PRDM11: variants seen among roughly 807,000 people sequenced by gnomAD.
PRDM11 encodes the protein PR/SET domain 11, also known as PR domain-containing protein 11.
Under a neutral mutation model 97.8 loss-of-function variants are expected in PRDM11, and 20 were observed. The observed-to-expected ratio is 0.20, with a 90% CI of 0.14 to 0.30. PRDM11 has a LOEUF of 0.30. Among genes scored for constraint, PRDM11 ranks in the 10% least tolerant of loss-of-function variants. PRDM11 has a pLI of 1.00. For missense variants in PRDM11, 1,139 were observed against 1,555.2 expected, an observed-to-expected ratio of 0.73 and a Z score of 4.50; for synonymous variants, 599 against 637.7, an observed-to-expected ratio of 0.94 and a Z score of 0.91.
At chr11:45,140,563 T>A (rs1377969630) in intron 1 of PRDM11, among the ~76,000 whole-genome samples, 1 of 152,198 alleles carries the variant, frequency 6.6e-6, no homozygotes, top group Non-Finnish European at 1.5e-5. Flanking sequence ...CTTACACACC[T>A]CCAGTAACAG....
At chr11:45,094,651 G>A (rs555642299), upstream of PRDM11, among the ~76,000 whole-genome samples, 10 of 146,746 alleles carry the variant, frequency 6.8e-5, no homozygotes, top group South Asian at 2.0e-3. Context: ...AAAATGGGAG[G>A]GAGGAAAGAA....
upstream of PRDM11, among the ~76,000 whole-genome samples, chr11:45,094,757 AAGGG>A (rs1455974083): frequency 7.7e-6 from 1 of 129,562 alleles, no homozygotes; most frequent in African/African-American, 2.9e-5. Context: ...GGAATGAAGA[AAGGG>A]AGGGAAGGAA....
At chr11:45,119,619 CAAAAAAAA>C (rs56367204) in intron 1 of PRDM11, among the ~76,000 whole-genome samples, 22 of 43,040 alleles carry the variant, frequency 5.1e-4, no homozygotes, top group Non-Finnish European at 6.9e-4. Context: ...GATTCTGTCT[CAAAAAAAA>C]AAAAAAAAAA....
At chr11:45,205,666 G>C (rs1344223459) in intron 5 of PRDM11, among the ~76,000 whole-genome samples, 3 of 152,186 alleles carry the variant, frequency 2.0e-5, no homozygotes, top group African/African-American at 7.2e-5. Context: ...CTGATGGTGG[G>C]ATTGTACTTG....
In PRDM11 at chr11:45,204,269, C is replaced by T. The variant is rs1853430112; in HGVS notation, c.487-442C>T. Reference sequence around the variant, plus strand: ...GGAGAGGAGGAACCCTCTCAAATCACATATATTCAGTCATCCAGCAGTGGC... The same window carrying T: ...GGAGAGGAGGAACCCTCTCAAATCATATATATTCAGTCATCCAGCAGTGGC... On this transcript the variant is annotated intron_variant, in intron 4 of 7. Transcript: ENST00000683152. Among the ~76,000 whole-genome samples, 4 of 152,190 alleles carry T rather than the reference C, an allele frequency of 2.6e-5. No homozygotes were observed. The South Asian group carries it at 6.2e-4, about 24-fold the overall frequency.
At chr11:45,103,164 G>C (rs890091190) in intron 1 of PRDM11, among the ~76,000 whole-genome samples, 3 of 152,162 alleles carry the variant, frequency 2.0e-5, no homozygotes, top group Non-Finnish European at 4.4e-5. Flanking sequence ...ACAGGACTCA[G>C]GATGGTCACC....
intron 1 of PRDM11, among the ~76,000 whole-genome samples, chr11:45,151,222 T>A (rs1019035166): frequency 6.6e-6 from 1 of 152,180 alleles, no homozygotes. Flanking sequence ...TACCTCCTGC[T>A]GGAGGCTGAG....
rs556737460 is a variant in PRDM11, at chr11:45,163,155, T to C, written c.-7+16278T>C. 2.9e-3 allele frequency among the ~76,000 whole-genome samples: 439 copies of C among 152,270 alleles called. 3 individuals carry two copies. Among genetic ancestry groups the C allele is most frequent in the African/African-American group, 0.01 (425 of 41,544 alleles). ...GGCAAATTCCCTCTCCATGGGTAGC[T>C]GTGTGTGTCACCTGTGGCTGGTCTT... On this transcript the variant is annotated intron_variant, in intron 1 of 7. Transcript: ENST00000683152.
chr11:45,225,348 A>G (rs537409044), intron 7 of PRDM11, among the ~76,000 whole-genome samples: 1 of 152,274 alleles, frequency 6.6e-6, no homozygotes, highest in African/African-American at 2.4e-5. Context: ...GATCCAGGCC[A>G]TTCACCTGCA....
upstream of PRDM11, among the ~76,000 whole-genome samples, chr11:45,141,657 A>G (rs1462974600): frequency 6.6e-6 from 1 of 152,128 alleles, no homozygotes; most frequent in East Asian, 1.9e-4. Flanking sequence ...AACCTGACCA[A>G]CAGATGCCAA....
At chr11:45,158,987 G>GC (rs927525645) in intron 1 of PRDM11, among the ~76,000 whole-genome samples, 2 of 152,050 alleles carry the variant, frequency 1.3e-5, no homozygotes, top group African/African-American at 2.4e-5. Flanking sequence ...CTCTCCTTGA[G>GC]CCCCCCCTTC....
At chr11:45,160,089 A>G (rs1326513535) in intron 1 of PRDM11, among the ~76,000 whole-genome samples, 1 of 152,224 alleles carries the variant, frequency 6.6e-6, no homozygotes, top group Non-Finnish European at 1.5e-5. Flanking sequence ...TGATGCGAGT[A>G]GAGAGAGTAA....
At chr11:45,128,468 C>G (rs975348095) in intron 1 of PRDM11, among the ~76,000 whole-genome samples, 11 of 151,704 alleles carry the variant, frequency 7.3e-5, no homozygotes, top group Non-Finnish European at 5.9e-5. Context: ...GACCGGAGCT[C>G]TTCCTATTCA....
intron 1 of PRDM11, chr11:45,147,301 C>T (rs1851540676): frequency 6.6e-6 from 1 of 151,478 alleles, no homozygotes; most frequent in South Asian, 2.1e-4. Context: ...CGGGGCGGGG[C>T]GCGGACGCCG....
At chr11:45,101,563 A>AG (rs1224471366) in intron 1 of PRDM11, among the ~76,000 whole-genome samples, 12 of 140,642 alleles carry the variant, frequency 8.5e-5, no homozygotes, top group African/African-American at 2.7e-4. Flanking sequence ...CTCAAAAAAA[A>AG]AAAAAAGAAG....
intron 4 of PRDM11, among the ~76,000 whole-genome samples, chr11:45,202,000 G>A (rs576527961): frequency 3.9e-5 from 6 of 152,148 alleles, no homozygotes; most frequent in Admixed American, 2.6e-4. Context: ...GTAGAGACAG[G>A]GTCTCGCTAT....
At chr11:45,200,925 T>C (rs1853303887) in intron 4 of PRDM11, among the ~76,000 whole-genome samples, 1 of 152,208 alleles carries the variant, frequency 6.6e-6, no homozygotes, top group Non-Finnish European at 1.5e-5. Flanking sequence ...TTGATGTGTA[T>C]CTCCTAGACT....
At chr11:45,222,709 C>T (rs1854153055) in intron 6 of PRDM11, among the ~76,000 whole-genome samples, 1 of 152,176 alleles carries the variant, frequency 6.6e-6, no homozygotes. Flanking sequence ...GGGCACAGCA[C>T]CCATACCAGC....
chr11:45,182,165 A>G (rs908272378), intron 2 of PRDM11, 81 bp from the exon 3 acceptor site: 1 of 1,257,906 alleles, frequency 7.9e-7, no homozygotes, highest in Non-Finnish European at 1.1e-6. Flanking sequence ...TCTCCTGGCC[A>G]GGTCCCCAGC....
Sources: gnomAD v4.1 joint callset for allele counts (sites outside exome capture counted in the v4.1 genomes callset) on GRCh38, gnomAD v4.1.1 for gene constraint, MANE v1.5 for transcripts, NCBI Gene and HGNC (gene_info 2026-07-23, HGNC 2026-07-21) for gene names.